The following NAGA variants were observed in gnomAD, a reference collection of about 807,000 sequenced individuals.
NAGA encodes the protein Acetylgalactosaminidase, alpha-N- (alpha-galactosidase B).
NAGA carries 42 observed loss-of-function variants against 45.6 expected under a neutral mutation model. The ratio of observed to expected loss-of-function variants is 0.92; its 90% CI spans 0.72 to 1.19. NAGA has a LOEUF of 1.19. NAGA is among the 50% of genes most tolerant of loss of function. NAGA has a pLI of 0.00. For missense variants in NAGA, 493 were observed against 544.8 expected (o/e 0.90, Z 0.95); for synonymous variants, 176 against 203.1 (o/e 0.87, Z 1.13).
chr22:42,068,362 G>C, intron 2 of NAGA, 77 bp downstream of exon 2: 1 of 1,609,076 alleles, frequency 6.2e-7, no homozygotes, highest in Non-Finnish European at 8.5e-7. Flanking sequence ...CTCTTTTCTA[G>C]TGGACTCTCC....
At position 42,062,894 on chromosome 22, in the gene NAGA, A is replaced by G. The variant is rs1926490416; in HGVS notation, c.890T>C (p.Leu297Pro). Residue 297 changes from leucine (L) to proline (P), a missense_variant, in exon 7 of 9, where the codon CTG becomes CCG. Leu to Pro is a moderately conservative substitution (Grantham distance 98, BLOSUM62 -3). Coordinates refer to ENST00000396398, the MANE Select transcript of NAGA (RefSeq NM_000262.3). ...RTISAQNMDILQNPLMIKINQ... is the reference protein window; with the variant it reads ...RTISAQNMDIPQNPLMIKINQ... ...GATTTTGATCATGAGTGGATTCTGCAGAATGTCCATGTTCTGGGCGGAGAT... is the reference window on the plus strand; with the variant it reads ...GATTTTGATCATGAGTGGATTCTGCGGAATGTCCATGTTCTGGGCGGAGAT... 6.2e-7 allele frequency: 1 copy of G among 1,614,096 alleles called. No individual in the cohort carries two copies. The highest frequency in any genetic ancestry group is 1.3e-5 in the African/African-American group (1 of 74,926).
At position 42,065,908 on chromosome 22, in the gene NAGA, C is replaced by T. The variant is rs772435890; in HGVS notation, c.598-9G>A. 5.9e-5 allele frequency: 96 copies of T among 1,613,522 alleles called. No individual in the cohort carries two copies. Among genetic ancestry groups the T allele is most frequent in the Non-Finnish European group, 6.5e-5 (77 of 1,179,790 alleles). The stretch of plus-strand genomic sequence containing the variant: ...AGCAGACTGTAGTTCACCTGGATGT[C>T]GAGGGGAAGGCAGAGTCCAGCACCA... On this transcript the variant is annotated splice_polypyrimidine_tract_variant and intron_variant, in intron 5 of 8. Coordinates refer to ENST00000396398, the MANE Select transcript of NAGA (RefSeq NM_000262.3).
rs765754053 is a variant in NAGA at position 42,062,881 on chromosome 22, G to C, written c.903C>G (p.Leu301=). Reference sequence around the variant, plus strand: ...AGGGATCCTGGTTGATTTTGATCATGAGTGGATTCTGCAGAATGTCCATGT... The same window carrying C: ...AGGGATCCTGGTTGATTTTGATCATCAGTGGATTCTGCAGAATGTCCATGT... The part of the protein sequence containing the change: ...AQNMDILQNP[L]MIKINQDPLG... The change falls in exon 7 of 9, where the codon CTC becomes CTG. Residue 301 remains leucine, a synonymous_variant. Coordinates refer to ENST00000396398, the MANE Select transcript of NAGA (RefSeq NM_000262.3). 1.9e-6 allele frequency: 3 copies of C among 1,614,094 alleles called. No homozygotes were observed. The Admixed American group carries it at 5.0e-5, about 27-fold the overall frequency.
rs561529732 is a variant in NAGA, at chr22:42,059,297, C to T, written c.*982G>A. On this transcript the variant is annotated 3_prime_UTR_variant, in exon 9 of 9. Coordinates refer to ENST00000396398, the MANE Select transcript of NAGA (RefSeq NM_000262.3). ...ATCATTCCTTCACTTTGACTGTTAC[C>T]CCTGTCCTTAGGAAGAGGGACAGGA... The T allele has an allele frequency of 1.3e-5, 2 of 152,256 alleles. No homozygotes were observed. The highest frequency in any genetic ancestry group is 2.9e-5 in the Non-Finnish European group (2 of 68,078). 9.4% of individuals were successfully genotyped at this position (152,256 alleles called of 1,614,324 possible). A position where few individuals can be genotyped will look rare whatever the true frequency, so the allele number is the denominator to read the frequency against.
rs1273210481 is a variant in NAGA, at chr22:42,061,005, G to C, written c.1020C>G (p.Phe340Leu). The C allele has an allele frequency of 6.2e-7, 1 of 1,614,230 alleles. No individual in the cohort carries two copies. ...AAGGCATATCGGTCCTGCAGCTGAAGAAGACTAAGGCGCTAGCCTTGTTGG... is the reference window on the plus strand; with the variant it reads ...AAGGCATATCGGTCCTGCAGCTGAACAAGACTAAGGCGCTAGCCTTGTTGG... ...PLSNKASALV[F>L]FSCRTDMPYR... The change falls in exon 8 of 9, where the codon TTC becomes TTG. Residue 340 changes from phenylalanine to leucine, a missense_variant. Physicochemically the swap from Phe to Leu is conservative, Grantham distance 22. Transcript: ENST00000396398.
intron 1 of NAGA, among the ~76,000 whole-genome samples, chr22:42,069,759 G>A (rs763496315): frequency 6.6e-6 from 1 of 152,110 alleles, no homozygotes; most frequent in Non-Finnish European, 1.5e-5. Flanking sequence ...GGTTGTATAC[G>A]TACTGTGGTT....
rs1281701714 is a variant in NAGA at position 42,060,395 on chromosome 22, C to T, written c.1120G>A (p.Gly374Ser). 3 of 1,613,398 alleles carry T rather than the reference C, an allele frequency of 1.9e-6. No individual in the cohort carries two copies. The highest frequency in any genetic ancestry group is 2.5e-6 in the Non-Finnish European group (3 of 1,180,012). ...TCTCGGAGGCCACTGATGATGTCAC[C>T]TGAGTAGACGTCCTGGGCCTGCAGT... is the stretch of plus-strand genomic sequence containing the variant. ...VIYEAQDVYS[G>S]DIISGLRDET... Residue 374 changes from glycine to serine, a missense_variant, in exon 9 of 9, where the codon GGT (glycine) becomes AGT (serine). Gly to Ser is a moderately conservative substitution (Grantham distance 56). Transcript: ENST00000396398.
chr22:42,062,374 G>A (rs184458868), intron 7 of NAGA, among the ~76,000 whole-genome samples: 1 of 152,224 alleles, frequency 6.6e-6, no homozygotes, highest in Non-Finnish European at 1.5e-5. Context: ...GCTGAGGCAC[G>A]AGAATTGCTT....
intron 5 of NAGA, among the ~76,000 whole-genome samples, chr22:42,066,442 A>G (rs1926733414): frequency 1.3e-5 from 2 of 152,174 alleles, no homozygotes; most frequent in Non-Finnish European, 2.9e-5. Flanking sequence ...CCTGCCTCTG[A>G]TGCCAACTCC....
chr22:42,066,984 C>A (rs1926771976), intron 4 of NAGA, 129 bp downstream of exon 4: 2 of 1,476,486 alleles, frequency 1.4e-6, no homozygotes, highest in Non-Finnish European at 9.4e-7. Context: ...ATTTAGGGAG[C>A]CTGGGAGCCA....
At chr22:42,067,023 A>C (rs907599987) in intron 4 of NAGA, 90 bp downstream of exon 4, 1 of 1,573,546 alleles carries the variant, frequency 6.4e-7, no homozygotes, top group African/African-American at 1.3e-5. Context: ...GGTAGGGGGA[A>C]TTGGGAAGCT....
chr22:42,067,807 A>T lies in NAGA; in HGVS notation c.282T>A (p.Asp94Glu), dbSNP rs781529771. 6.2e-7 allele frequency: 1 copy of T among 1,612,594 alleles called. No individual in the cohort carries two copies. The highest frequency in any genetic ancestry group is 8.5e-7 in the Non-Finnish European group (1 of 1,179,984). The change falls in exon 3 of 9, where the codon GAT becomes GAA. Residue 94 changes from aspartate to glutamate, a missense_variant. Asp to Glu is a conservative substitution (Grantham distance 45, BLOSUM62 2). Coordinates refer to ENST00000396398, the MANE Select transcript of NAGA (RefSeq NM_000262.3). ...GRDASGRLMP[D>E]PKRFPHGIPF... ...GAATGCCATGAGGGAAGCGCTTGGG[A>T]TCCGGCATCAGGCGGCCACTGGCAT...
intron 6 of NAGA, among the ~76,000 whole-genome samples, chr22:42,064,130 C>T (rs1375671376): frequency 2.0e-5 from 3 of 150,966 alleles, no homozygotes; most frequent in Non-Finnish European, 2.9e-5. Context: ...CACCTGAGGT[C>T]AGGAGTTCGA....
intron 1 of NAGA, among the ~76,000 whole-genome samples, chr22:42,069,163 G>A (rs1242870370): frequency 1.3e-4 from 20 of 152,188 alleles, no homozygotes; most frequent in Admixed American, 1.1e-3. Context: ...CCCCAGAGGC[G>A]GAGGCTGCAG....
chr22:42,067,007 C>T (rs1220819379), intron 4 of NAGA, 106 bp downstream of exon 4: 3 of 1,549,528 alleles, frequency 1.9e-6, no homozygotes, highest in African/African-American at 2.7e-5. Context: ...ATCCCCCTAA[C>T]CCCTGGGTAG....
At chr22:42,066,085 G>A (rs1314103128) in intron 5 of NAGA, among the ~76,000 whole-genome samples, 186 bp from the exon 6 acceptor site, 1 of 152,100 alleles carries the variant, frequency 6.6e-6, no homozygotes, top group Non-Finnish European at 1.5e-5. Flanking sequence ...GGGCTACCGG[G>A]GTCTCCCTTC....
chr22:42,061,310 C>A (rs1056966368), intron 7 of NAGA, among the ~76,000 whole-genome samples: 11 of 152,348 alleles, frequency 7.2e-5, no homozygotes, highest in African/African-American at 2.6e-4. Flanking sequence ...CACACTGAGA[C>A]AAGTGCTGCA....
At chr22:42,064,834 G>A (rs1926632198) in intron 6 of NAGA, among the ~76,000 whole-genome samples, 1 of 152,142 alleles carries the variant, frequency 6.6e-6, no homozygotes, top group African/African-American at 2.4e-5. Context: ...CAAAGTCCCT[G>A]TACCTACCAC....
chr22:42,064,080 C>G (rs982036746), intron 6 of NAGA, among the ~76,000 whole-genome samples: 1 of 151,668 alleles, frequency 6.6e-6, no homozygotes, highest in South Asian at 2.1e-4. Flanking sequence ...GTGGCTCACG[C>G]CTGTAATCCC....
Sources: allele counts gnomAD v4.1 joint callset (sites outside exome capture counted in the v4.1 genomes callset), GRCh38; gene constraint gnomAD v4.1.1; transcripts MANE v1.5; gene names NCBI Gene and HGNC (gene_info 2026-07-23, HGNC 2026-07-21).